The following TIAM1 variants were observed in gnomAD, a reference collection of about 807,000 sequenced individuals.
TIAM1 encodes the protein TIAM Rac1 associated GEF 1, also known as rho guanine nucleotide exchange factor TIAM1.
Under a neutral mutation model 163.5 loss-of-function variants are expected in TIAM1, and 65 were observed. The ratio of observed to expected loss-of-function variants is 0.40; its 90% CI spans 0.33 to 0.49. The LOEUF (loss-of-function observed/expected upper bound fraction) is 0.49, where lower values mean the gene tolerates loss of function less well. Ranked by LOEUF, TIAM1 falls within the 20% of genes least tolerant of loss-of-function variation. TIAM1 has a pLI of 0.77. For missense variants in TIAM1, 1,789 were observed against 2,044.7 expected, an observed-to-expected ratio of 0.87 and a Z score of 2.41; for synonymous variants, 833 against 810.1, an observed-to-expected ratio of 1.03 and a Z score of -0.48.
chr21:31,140,655 C>A (rs568740107), intron 22 of TIAM1, among the ~76,000 whole-genome samples: 10 of 152,304 alleles, frequency 6.6e-5, no homozygotes, highest in African/African-American at 2.4e-4. Flanking sequence ...TGTATCTGTT[C>A]CTGCCACTGC....
At chr21:31,132,601 C>G (rs1475922770) in intron 23 of TIAM1, among the ~76,000 whole-genome samples, 1 of 152,226 alleles carries the variant, frequency 6.6e-6, no homozygotes, top group Non-Finnish European at 1.5e-5. Context: ...ACTGGGACCA[C>G]AGCTCAATGC....
intron 1 of TIAM1, among the ~76,000 whole-genome samples, chr21:31,514,523 CAAAAAAA>C (rs1043056393): frequency 1.0e-4 from 9 of 87,920 alleles, no homozygotes; most frequent in Middle Eastern, 5.7e-3. Flanking sequence ...ACTAAAAATA[CAAAAAAA>C]AAAAAAAAAT....
intron 4 of TIAM1, among the ~76,000 whole-genome samples, chr21:31,260,350 G>T (rs923675220): frequency 7.9e-5 from 12 of 151,204 alleles, no homozygotes; most frequent in Middle Eastern, 6.8e-3. Flanking sequence ...TGATTCTGGT[G>T]CCTCAGCCTC....
rs769153529 is a variant in TIAM1, at chr21:31,266,193, C to T, written c.780G>A (p.Leu260=). ...GSKFAGYCRN[L]VSDIPNLANH... ...TTGCAAGATTGGGAATATCAGACAC[C>T]AAATTCCGACAGTAGCCTGCAAATT... is the stretch of plus-strand genomic sequence containing the variant. The change falls in exon 4 of 28, where the codon TTG becomes TTA. Residue 260 remains leucine (L), a synonymous_variant. Coordinates refer to ENST00000541036, the MANE Select transcript of TIAM1 (RefSeq NM_001353694.2). 7 of 1,614,156 alleles carry T rather than the reference C, an allele frequency of 4.3e-6. No individual in the cohort carries two copies. The highest frequency in any genetic ancestry group is 5.1e-6 in the Non-Finnish European group (6 of 1,180,052).
intron 2 of TIAM1, among the ~76,000 whole-genome samples, chr21:31,449,630 G>A (rs1477258825): frequency 6.6e-6 from 1 of 151,808 alleles, no homozygotes; most frequent in African/African-American, 2.4e-5. Flanking sequence ...TGCCCGCCTC[G>A]GCCTCCCAAA....
intron 15 of TIAM1, among the ~76,000 whole-genome samples, chr21:31,171,035 CAAAAAAAAAAAAAA>C (rs34291568): frequency 1.5e-4 from 3 of 19,576 alleles, no homozygotes; most frequent in African/African-American, 2.0e-4. Flanking sequence ...GACTCCATCT[CAAAAAAAAAAAAAA>C]AAAAAAAAAA....
rs1210970837 is a variant in TIAM1 at position 31,395,663 on chromosome 21, A to G, written c.-368-56241T>C. Among the ~76,000 whole-genome samples the G allele has an allele frequency of 1.3e-5, 2 of 152,232 alleles. No individual in the cohort carries two copies. The highest frequency in any genetic ancestry group is 4.8e-5 in the African/African-American group (2 of 41,454). On this transcript the variant is annotated intron_variant, in intron 2 of 28. Transcript: ENST00000286827. The surrounding 1 kb of genome is among the most constrained non-coding windows in gnomAD (Gnocchi z 7.5). The stretch of plus-strand genomic sequence containing the variant: ...TGGGGGTAGTAAAAGGTGCTGGACG[A>G]GAGAATAAATATTGACTAAAACATC...
intron 2 of TIAM1, among the ~76,000 whole-genome samples, chr21:31,377,492 A>T (rs1224776209): frequency 1.3e-5 from 2 of 152,118 alleles, no homozygotes; most frequent in Non-Finnish European, 2.9e-5. Flanking sequence ...ATTCAGTGGG[A>T]TCAGGACACT....
chr21:31,157,913 T>TG (rs1298396983), intron 16 of TIAM1, among the ~76,000 whole-genome samples: 2 of 152,168 alleles, frequency 1.3e-5, no homozygotes, highest in Non-Finnish European at 2.9e-5. Context: ...AAGGCAAACA[T>TG]GGGGATCTGA....
At position 31,228,220 on chromosome 21, in the gene TIAM1, TAAAAAAAA is replaced by T. The variant is rs71191197; in HGVS notation, c.1585-2278_1585-2271del. Among the ~76,000 whole-genome samples the T allele has an allele frequency of 2.6e-3, 43 of 16,254 alleles. 1 individual carries two copies. Among genetic ancestry groups the T allele is most frequent in the Non-Finnish European group, 4.2e-3 (33 of 7,924 alleles). 10.7% of individuals were successfully genotyped at this position (16,254 alleles called of 152,430 possible). A position where few individuals can be genotyped will look rare whatever the true frequency, so the allele number is the denominator to read the frequency against. On this transcript the variant is annotated intron_variant, in intron 6 of 27. Coordinates refer to ENST00000541036, the MANE Select transcript of TIAM1 (RefSeq NM_001353694.2). The stretch of plus-strand genomic sequence containing the variant: ...GCCACCATGCCCGGCCTCCTTTTTT[TAAAAAAAA>T]AAAAAAAAAAAAAAAAAAAAAAAAA...
rs7283953 is a variant in TIAM1 at position 31,139,468 on chromosome 21, T to G, written c.3774+1650A>C. 8.3e-3 allele frequency among the ~76,000 whole-genome samples: 1,258 copies of G among 152,248 alleles called. 18 individuals carry two copies. The highest frequency in any genetic ancestry group is 0.029 in the African/African-American group (1,186 of 41,532). Reference sequence around the variant, plus strand: ...TCAACATAAAATCAAGGTATAAAATTACCTTCAAGATATAACTAAACATAT... The same window carrying G: ...TCAACATAAAATCAAGGTATAAAATGACCTTCAAGATATAACTAAACATAT... On this transcript the variant is annotated intron_variant, in intron 22 of 27. Transcript: ENST00000541036.
intron 1 of TIAM1, among the ~76,000 whole-genome samples, chr21:31,471,887 ATAATAATAAT>A (rs1309362390): frequency 1.7e-3 from 120 of 69,344 alleles, no homozygotes; most frequent in African/African-American, 7.1e-3. Context: ...AATAATAATA[ATAATAATAAT>A]AATAAAGGGA....
At chr21:31,225,447 A>T (rs1429035430) in intron 7 of TIAM1, among the ~76,000 whole-genome samples, 1 of 152,202 alleles carries the variant, frequency 6.6e-6, no homozygotes, top group African/African-American at 2.4e-5. Flanking sequence ...AATTACACAG[A>T]TCCCCTAGAA....
At chr21:31,296,876 G>A (rs1247820686) in intron 2 of TIAM1, among the ~76,000 whole-genome samples, 3 of 152,142 alleles carry the variant, frequency 2.0e-5, no homozygotes, top group Admixed American at 6.5e-5. Flanking sequence ...TGTTAGCCAG[G>A]ATGGTCTTGA....
intron 8 of TIAM1, among the ~76,000 whole-genome samples, chr21:31,222,684 T>C (rs1361460932): frequency 7.7e-4 from 27 of 34,926 alleles, no homozygotes; most frequent in East Asian, 4.4e-3. Context: ...TACATATATA[T>C]ATATATATAT....
chr21:31,337,898 T>C (rs2075896429), intron 2 of TIAM1, among the ~76,000 whole-genome samples: 1 of 152,052 alleles, frequency 6.6e-6, no homozygotes, highest in African/African-American at 2.4e-5. Context: ...TAATACAATG[T>C]GTCTGTATTA....
chr21:31,197,323 A>G (rs2085914024), intron 12 of TIAM1, among the ~76,000 whole-genome samples: 1 of 152,232 alleles, frequency 6.6e-6, no homozygotes, highest in African/African-American at 2.4e-5. Flanking sequence ...AGAATGATGC[A>G]GAGTTCACAC....
chr21:31,529,022 C>A (rs1425430495), intron 1 of TIAM1, among the ~76,000 whole-genome samples: 4 of 149,838 alleles, frequency 2.7e-5, no homozygotes, highest in Admixed American at 6.7e-5. Context: ...CCCGGGTTCA[C>A]GCCATTCTCC....
intron 2 of TIAM1, among the ~76,000 whole-genome samples, chr21:31,332,206 A>C (rs1385252422): frequency 6.6e-6 from 1 of 152,240 alleles, no homozygotes; most frequent in Non-Finnish European, 1.5e-5. Flanking sequence ...TTAAAATACA[A>C]CACCAAAAAT....
Sources: allele counts gnomAD v4.1 joint callset (sites outside exome capture counted in the v4.1 genomes callset), GRCh38; gene constraint gnomAD v4.1.1; non-coding constraint Gnocchi (gnomAD v3.1); transcripts MANE v1.5; gene names NCBI Gene and HGNC (gene_info 2026-07-23, HGNC 2026-07-21).